Variants in PLCE1 observed in about 807,000 individuals in gnomAD.
The protein encoded by PLCE1 is 1-phosphatidylinositol 4,5-bisphosphate phosphodiesterase epsilon-1.
PLCE1 carries 119 observed loss-of-function variants against 242.8 expected under a neutral mutation model. That is an observed-to-expected ratio of 0.49 (90% CI 0.42 to 0.57). The LOEUF is 0.57. Ranked by LOEUF, PLCE1 falls within the 20% of genes least tolerant of loss-of-function variation. The probability of loss-of-function intolerance (pLI) is 0.00; values close to 1 mark genes in which losing one functional copy is unlikely to be tolerated. For missense variants in PLCE1, 2,441 were observed against 2,788.8 expected, an observed-to-expected ratio of 0.88 and a Z score of 2.81; for synonymous variants, 945 against 1,017.4, an observed-to-expected ratio of 0.93 and a Z score of 1.35.
intron 7 of PLCE1, among the ~76,000 whole-genome samples, chr10:94,244,381 A>C (rs1344688243): frequency 6.6e-6 from 1 of 152,204 alleles, no homozygotes; most frequent in African/African-American, 2.4e-5. Context: ...TCTGTGGACC[A>C]AATAGCAGAA....
chr10:94,316,464 A>G, intron 28 of PLCE1, 83 bp from the exon 29 acceptor site: 1 of 857,956 alleles, frequency 1.2e-6, no homozygotes, highest in Non-Finnish European at 2.0e-6. Flanking sequence ...TAAATTGCAT[A>G]GCAAACCTAT....
chr10:94,033,552 T>C (rs2061604210), intron 2 of PLCE1, among the ~76,000 whole-genome samples: 1 of 152,116 alleles, frequency 6.6e-6, no homozygotes, highest in Admixed American at 6.6e-5. Flanking sequence ...TAAATTTCCT[T>C]TTTGAGATTA....
At chr10:94,235,374 C>T (rs915399761) in intron 6 of PLCE1, among the ~76,000 whole-genome samples, 1 of 152,190 alleles carries the variant, frequency 6.6e-6, no homozygotes, top group Non-Finnish European at 1.5e-5. Flanking sequence ...ATCCCAGACA[C>T]AGCTCTCACC....
At chr10:94,232,347 C>G (rs555470001) in intron 5 of PLCE1, among the ~76,000 whole-genome samples, 4 of 152,302 alleles carry the variant, frequency 2.6e-5, no homozygotes, top group South Asian at 2.1e-4. Context: ...CCTTACGTTT[C>G]ACAACCCAAC....
chr10:94,143,277 C>T (rs2047024065), intron 3 of PLCE1, among the ~76,000 whole-genome samples: 1 of 152,184 alleles, frequency 6.6e-6, no homozygotes. Context: ...TAAGCATTTA[C>T]TCCTGGTATT....
intron 2 of PLCE1, among the ~76,000 whole-genome samples, chr10:94,128,055 T>G (rs1354423602): frequency 6.7e-6 from 1 of 149,958 alleles, no homozygotes; most frequent in Non-Finnish European, 1.5e-5. Context: ...TGGTGCAATC[T>G]CAGCTTACTG....
intron 4 of PLCE1, among the ~76,000 whole-genome samples, chr10:94,196,508 A>G (rs1363559746): frequency 6.6e-6 from 1 of 152,188 alleles, no homozygotes; most frequent in African/African-American, 2.4e-5. Context: ...AGAGAGGGCC[A>G]GGCATGGTGG....
At chr10:94,122,279 T>C (rs1406657979) in intron 2 of PLCE1, among the ~76,000 whole-genome samples, 1 of 152,184 alleles carries the variant, frequency 6.6e-6, no homozygotes, top group African/African-American at 2.4e-5. Flanking sequence ...AGGAGCCTGG[T>C]AGTTCAGGCC....
rs534858931 is a variant in PLCE1 at position 93,999,982 on chromosome 10, A to G, written c.-365+5724A>G. ...GGCTGCTTTTGTCTCTCAAGCACAT[A>G]ATCCAGAGTGATATTGGTTGGGAAC... is the stretch of plus-strand genomic sequence containing the variant. On this transcript the variant is annotated intron_variant, in intron 1 of 32. Transcript: ENST00000371380. 2.4e-3 allele frequency among the ~76,000 whole-genome samples: 358 copies of G among 152,320 alleles called. 2 individuals are homozygous for G. The highest frequency in any genetic ancestry group is 3.1e-3 in the Non-Finnish European group (208 of 68,028).
chr10:94,255,028 C>A lies in PLCE1; in HGVS notation c.3533C>A (p.Ser1178Tyr). The A allele has an allele frequency of 6.2e-7, 1 of 1,614,130 alleles. No individual in the cohort carries two copies. Among genetic ancestry groups the A allele is most frequent in the Non-Finnish European group, 8.5e-7 (1 of 1,180,000 alleles). ...IRPVSSPVLS[S>Y]SNKSPSSAWS... ...CCAGTGTCCTCCCCTGTGCTGTCTT[C>A]TTCAAACAAGAGCCCATCCAGGTGG... The change falls in exon 11 of 33, where the codon TCT (serine) becomes TAT (tyrosine). Residue 1178 changes from serine (S) to tyrosine (Y), a missense_variant. Physicochemically the swap from Ser to Tyr is moderately radical, Grantham distance 144. Transcript: ENST00000371380.
Position 94,220,376 on chromosome 10 carries a change from TTATATATATATATATATA to T in PLCE1, c.1810-6904_1810-6887del, listed in dbSNP as rs59633337. Among the ~76,000 whole-genome samples, 457 of 61,908 alleles carry T rather than the reference TTATATATATATATATATA, an allele frequency of 7.4e-3. 15 individuals carry two copies. Among genetic ancestry groups the T allele is most frequent in the African/African-American group, 0.025 (404 of 15,984 alleles). 40.6% of individuals were successfully genotyped at this position (61,908 alleles called of 152,430 possible). On this transcript the variant is annotated intron_variant, in intron 4 of 32. Coordinates refer to ENST00000371380, the MANE Select transcript of PLCE1 (RefSeq NM_016341.4). ...AATAAAAGCTTAAAAACTAAACATT[TTATATATATATATATATA>T]TATATATATATATATATATATATAT...
chr10:94,245,644 G>A (rs939784669), intron 7 of PLCE1, among the ~76,000 whole-genome samples: 9 of 152,098 alleles, frequency 5.9e-5, no homozygotes, highest in Non-Finnish European at 1.2e-4. Context: ...ATGCCACCAT[G>A]CCTGACTGAT....
At chr10:94,095,186 T>C (rs1400042458) in intron 2 of PLCE1, among the ~76,000 whole-genome samples, 1 of 152,208 alleles carries the variant, frequency 6.6e-6, no homozygotes, top group Non-Finnish European at 1.5e-5. Context: ...ACATACTGGG[T>C]CAGCCTCGGG....
intron 3 of PLCE1, among the ~76,000 whole-genome samples, chr10:94,169,802 A>G (rs1590174074): frequency 6.6e-6 from 1 of 152,184 alleles, no homozygotes; most frequent in East Asian, 1.9e-4. Context: ...CCAGAAGCCA[A>G]GGAATGGATG....
At chr10:94,132,605 G>A in intron 3 of PLCE1, 146 bp downstream of exon 3, 1 of 778,988 alleles carries the variant, frequency 1.3e-6, no homozygotes, top group Non-Finnish European at 2.1e-6. Flanking sequence ...AATATAAAAA[G>A]GTGGTCCCTT....
intron 1 of PLCE1, among the ~76,000 whole-genome samples, chr10:94,007,369 A>G (rs1010300563): frequency 6.6e-5 from 10 of 152,160 alleles, no homozygotes; most frequent in African/African-American, 1.7e-4. Context: ...GCTATTCAGA[A>G]TCATTAGCAT....
intron 4 of PLCE1, among the ~76,000 whole-genome samples, chr10:94,215,025 G>A (rs2136993235): frequency 6.6e-6 from 1 of 152,278 alleles, no homozygotes; most frequent in South Asian, 2.1e-4. Flanking sequence ...CTCACCCTCT[G>A]CTGCCCAATC....
At chr10:94,314,701 T>C (rs1433769681) in intron 28 of PLCE1, among the ~76,000 whole-genome samples, 1 of 152,166 alleles carries the variant, frequency 6.6e-6, no homozygotes, top group Non-Finnish European at 1.5e-5. Flanking sequence ...TATGATGAAA[T>C]GTAGCTGGGA....
At chr10:94,091,769 T>C (rs550783340) in intron 2 of PLCE1, among the ~76,000 whole-genome samples, 10 of 151,990 alleles carry the variant, frequency 6.6e-5, no homozygotes, top group African/African-American at 1.9e-4. Flanking sequence ...CAATAGTTAA[T>C]GGAAAATATA....
Sources: gnomAD v4.1 joint callset for allele counts (sites outside exome capture counted in the v4.1 genomes callset) on GRCh38, gnomAD v4.1.1 for gene constraint, MANE v1.5 for transcripts, NCBI Gene and HGNC (gene_info 2026-07-23, HGNC 2026-07-21) for gene names.